PCDHA9: variants seen among roughly 807,000 people sequenced by gnomAD.
The protein encoded by PCDHA9 is protocadherin alpha 9.
In PCDHA9, 62 loss-of-function variants were observed where a neutral mutation model predicts 62.0. The ratio of observed to expected loss-of-function variants is 1.00; its 90% CI spans 0.81 to 1.23. The LOEUF (loss-of-function observed/expected upper bound fraction) is 1.23. Among genes scored for constraint, PCDHA9 ranks in the 50% most tolerant of loss-of-function variants. The pLI, the probability that PCDHA9 is intolerant of heterozygous loss-of-function variation, is 0.00. For missense variants in PCDHA9, 1,205 were observed against 1,249.8 expected, an observed-to-expected ratio of 0.96 and a Z score of 0.54; for synonymous variants, 557 against 567.6, an observed-to-expected ratio of 0.98 and a Z score of 0.27.
At chr5:140,951,311 T>G (rs1240303466) in intron 1 of PCDHA9, among the ~76,000 whole-genome samples, 4 of 152,224 alleles carry the variant, frequency 2.6e-5, no homozygotes, top group African/African-American at 9.6e-5. Context: ...ATTAATGTGT[T>G]ATTCTTGAGA....
intron 1 of PCDHA9, chr5:140,875,600 C>T: frequency 6.2e-7 from 1 of 1,613,884 alleles, no homozygotes; most frequent in Non-Finnish European, 8.5e-7. Context: ...AAACACGGCA[C>T]CTTCGTGGGC....
At chr5:140,921,414 T>G (rs2080207969) in intron 1 of PCDHA9, among the ~76,000 whole-genome samples, 1 of 152,206 alleles carries the variant, frequency 6.6e-6, no homozygotes, top group Admixed American at 6.5e-5. Flanking sequence ...TCCTCTGTGC[T>G]GCAGACAAAA....
chr5:140,993,177 C>A lies in PCDHA9; in HGVS notation c.2542+10614C>A, dbSNP rs551395516. ...CTAAATATTTGCCTTTGGGAAATTTCTTTAGAGGGAAACTCACTAAAGCTA... is the reference window on the plus strand; with the variant it reads ...CTAAATATTTGCCTTTGGGAAATTTATTTAGAGGGAAACTCACTAAAGCTA... On this transcript the variant is annotated intron_variant, in intron 3 of 3. Transcript: ENST00000532602. 6.6e-5 allele frequency among the ~76,000 whole-genome samples: 10 copies of A among 152,258 alleles called. No homozygotes were observed. In the East Asian group the frequency reaches 1.9e-3, roughly 29 times the overall value.
chr5:140,995,883 A>C (rs892876266), intron 3 of PCDHA9, among the ~76,000 whole-genome samples: 2 of 152,232 alleles, frequency 1.3e-5, no homozygotes, highest in Admixed American at 6.5e-5. Flanking sequence ...CCTGTGCTTC[A>C]GATTTATCAA....
intron 3 of PCDHA9, among the ~76,000 whole-genome samples, chr5:140,990,314 CCAAA>C (rs2097387288): frequency 6.6e-6 from 1 of 152,212 alleles, no homozygotes; most frequent in Non-Finnish European, 1.5e-5. Context: ...AAAAAACCAA[CCAAA>C]CAAACTTTAA....
intron 1 of PCDHA9, among the ~76,000 whole-genome samples, chr5:140,881,116 TG>T (rs1181000408): frequency 3.3e-5 from 5 of 152,242 alleles, no homozygotes; most frequent in African/African-American, 7.2e-5. Flanking sequence ...CCTGGGATTT[TG>T]TGGCTTGGTA....
chr5:140,983,039 A>C (rs1554245052), intron 3 of PCDHA9, among the ~76,000 whole-genome samples: 1 of 152,036 alleles, frequency 6.6e-6, no homozygotes, highest in Non-Finnish European at 1.5e-5. Flanking sequence ...TTTCTCATGG[A>C]AGTGGAAAAT....
At chr5:140,865,102 A>G (rs1251688673) in intron 1 of PCDHA9, 2 of 152,206 alleles carry the variant, frequency 1.3e-5, no homozygotes, top group Non-Finnish European at 2.9e-5. Context: ...AGGCACTTCC[A>G]CTTGACAATT....
rs536640692 is a variant in PCDHA9 at position 140,927,687 on chromosome 5, T to TG, written c.2395-51258dup. ...CCTTGGATCCAGATGAAGGGTCCAATGGGGAAGTCCAGTACTCCCTAAGCA... is the reference window on the plus strand; with the variant it reads ...CCTTGGATCCAGATGAAGGGTCCAATGGGGGAAGTCCAGTACTCCCTAAGCA... On this transcript the variant is annotated intron_variant, in intron 1 of 3. Coordinates refer to ENST00000532602, the MANE Select transcript of PCDHA9 (RefSeq NM_031857.2). The TG allele has an allele frequency of 3.2e-4, 518 of 1,614,158 alleles. 3 individuals carry two copies. In the Middle Eastern group the frequency reaches 0.011, roughly 35 times the overall value.
chr5:140,993,406 T>G (rs1382987714), intron 3 of PCDHA9, among the ~76,000 whole-genome samples: 2 of 150,884 alleles, frequency 1.3e-5, no homozygotes, highest in Non-Finnish European at 2.9e-5. Context: ...TTAACCACCT[T>G]CATCAGCATT....
At chr5:140,928,536 GA>G (rs782686789) in intron 1 of PCDHA9, 1 of 1,614,228 alleles carries the variant, frequency 6.2e-7, no homozygotes, top group Non-Finnish European at 8.5e-7. Context: ...TGGTAGATAG[GA>G]ATGACAATTA....
chr5:140,994,394 T>C (rs1332946220), intron 3 of PCDHA9, among the ~76,000 whole-genome samples: 1 of 152,110 alleles, frequency 6.6e-6, no homozygotes, highest in African/African-American at 2.4e-5. Flanking sequence ...AGTCAGAGAT[T>C]ATTTGACATT....
At chr5:140,968,508 A>C (rs977964716) in intron 1 of PCDHA9, 1 of 1,613,950 alleles carries the variant, frequency 6.2e-7, no homozygotes, top group African/African-American at 1.3e-5. Context: ...CACATTCTGT[A>C]CCCTACCTCA....
At chr5:140,900,700 T>C (rs557185787) in intron 1 of PCDHA9, among the ~76,000 whole-genome samples, 1 of 152,352 alleles carries the variant, frequency 6.6e-6, no homozygotes, top group South Asian at 2.1e-4. Context: ...ATTTCCGTTC[T>C]TTTGGAAAGA....
intron 1 of PCDHA9, among the ~76,000 whole-genome samples, chr5:140,949,015 T>A (rs1004348581): frequency 7.9e-5 from 12 of 151,734 alleles, no homozygotes; most frequent in Non-Finnish European, 1.2e-4. Context: ...ATATGTGATG[T>A]TTTTATTTTT....
chr5:141,010,315 T>G lies in PCDHA9; in HGVS notation c.*378T>G. ...AGGGCAGGCTGAAAAGTTTTGAGAT[T>G]GAGCAGCTTGGGAGTTTGTGGCCAC... On this transcript the variant is annotated 3_prime_UTR_variant, in exon 4 of 4. Transcript: ENST00000532602. 2.6e-6 allele frequency: 4 copies of G among 1,546,626 alleles called. No homozygotes were observed. Among genetic ancestry groups the G allele is most frequent in the Non-Finnish European group, 3.5e-6 (4 of 1,145,530 alleles).
chr5:140,908,596 T>C (rs1311064984), intron 1 of PCDHA9, among the ~76,000 whole-genome samples: 1 of 152,120 alleles, frequency 6.6e-6, no homozygotes, highest in African/African-American at 2.4e-5. Flanking sequence ...CTGCAGAAGA[T>C]GGAAGGGCCT....
rs116357285 is a variant in PCDHA9, at chr5:140,877,275, C to T, written c.2394+26386C>T. 2.8e-4 allele frequency: 456 copies of T among 1,613,776 alleles called. 1 individual carries two copies. In the African/African-American group the frequency reaches 4.6e-3, roughly 16 times the overall value. Reference sequence around the variant, plus strand: ...AAGTGCGCGCGGTGGACGCTGACTCCGGCTATAACGCTTGGCTGTCCTACG... The same window carrying T: ...AAGTGCGCGCGGTGGACGCTGACTCTGGCTATAACGCTTGGCTGTCCTACG... On this transcript the variant is annotated intron_variant, in intron 1 of 3. Transcript: ENST00000532602.
chr5:140,935,242 A>G (rs1054515711), intron 1 of PCDHA9, among the ~76,000 whole-genome samples: 16 of 152,218 alleles, frequency 1.1e-4, no homozygotes, highest in African/African-American at 3.6e-4. Context: ...ATTTTTTAAA[A>G]GATAAAATAC....
Sources: gnomAD v4.1 joint callset for allele counts (sites outside exome capture counted in the v4.1 genomes callset) on GRCh38, gnomAD v4.1.1 for gene constraint, MANE v1.5 for transcripts, NCBI Gene and HGNC (gene_info 2026-07-23, HGNC 2026-07-21) for gene names.